CACNA2D3: variants seen among roughly 807,000 people sequenced by gnomAD.
CACNA2D3 encodes calcium voltage-gated channel auxiliary subunit alpha2delta 3.
Under a neutral mutation model 160.6 loss-of-function variants are expected in CACNA2D3, and 60 were observed. The observed-to-expected ratio is 0.37, with a 90% CI of 0.30 to 0.46. The LOEUF (loss-of-function observed/expected upper bound fraction) is 0.46, where lower values mean the gene tolerates loss of function less well. Among genes scored for constraint, CACNA2D3 ranks in the 20% least tolerant of loss-of-function variants. CACNA2D3 has a pLI of 1.00. For missense variants in CACNA2D3, 1,205 were observed against 1,365.0 expected (o/e 0.88, Z 1.85); for synonymous variants, 558 against 492.9 (o/e 1.13, Z -1.75).
At chr3:54,627,389 G>A (rs1238670604) in intron 9 of CACNA2D3, among the ~76,000 whole-genome samples, 1 of 152,190 alleles carries the variant, frequency 6.6e-6, no homozygotes, top group Non-Finnish European at 1.5e-5. Context: ...GGCGTGGCAG[G>A]AGAGCCAGGG....
At chr3:54,968,313 A>G (rs886454074) in intron 27 of CACNA2D3, 137 bp from the exon 28 acceptor site, 3 of 622,042 alleles carry the variant, frequency 4.8e-6, no homozygotes, top group South Asian at 1.9e-5. Flanking sequence ...AAAATGTTTT[A>G]GTTGTATGCT....
chr3:54,319,664 T>A (rs907860109), intron 2 of CACNA2D3, among the ~76,000 whole-genome samples: 2 of 152,116 alleles, frequency 1.3e-5, no homozygotes, highest in African/African-American at 2.4e-5. Context: ...TCTTACAGAG[T>A]CCTGAGGACT....
chr3:54,198,843 A>G (rs575673469), intron 2 of CACNA2D3, among the ~76,000 whole-genome samples: 15 of 152,332 alleles, frequency 9.8e-5, no homozygotes, highest in Non-Finnish European at 1.2e-4. Flanking sequence ...GCCATTCTCA[A>G]AAGCCTTTGT....
At chr3:54,650,957 C>T (rs779201695) in intron 11 of CACNA2D3, among the ~76,000 whole-genome samples, 17 of 152,188 alleles carry the variant, frequency 1.1e-4, no homozygotes, top group East Asian at 1.9e-4. Flanking sequence ...AGTATACTAT[C>T]GTTATCCCCT....
chr3:54,701,020 T>A (rs113151061), intron 11 of CACNA2D3, among the ~76,000 whole-genome samples: 3,408 of 152,324 alleles, frequency 0.022, 57 homozygotes, highest in Middle Eastern at 0.044. Context: ...GCTGCAGAAT[T>A]CTCTGTTCTA....
intron 13 of CACNA2D3, among the ~76,000 whole-genome samples, chr3:54,776,580 CAA>C (rs1291379182): frequency 6.6e-6 from 1 of 152,154 alleles, no homozygotes; most frequent in Non-Finnish European, 1.5e-5. Flanking sequence ...GTAACAACAA[CAA>C]AAGAGGCCTG....
At chr3:54,221,250 C>T (rs181932225) in intron 2 of CACNA2D3, among the ~76,000 whole-genome samples, 2 of 152,280 alleles carry the variant, frequency 1.3e-5, no homozygotes, top group African/African-American at 4.8e-5. Flanking sequence ...TACTCTAAAA[C>T]GTTCAAATGT....
chr3:54,427,662 A>C (rs773798739), intron 4 of CACNA2D3, among the ~76,000 whole-genome samples: 3 of 152,230 alleles, frequency 2.0e-5, no homozygotes, highest in Non-Finnish European at 4.4e-5. Flanking sequence ...GCTCCCTGCC[A>C]GTGCGGAGCG....
intron 17 of CACNA2D3, among the ~76,000 whole-genome samples, chr3:54,848,322 C>T (rs1017974249): frequency 3.9e-5 from 6 of 152,176 alleles, no homozygotes; most frequent in Non-Finnish European, 5.9e-5. Flanking sequence ...TAAACACATG[C>T]CATTGCTGTT....
At chr3:54,485,568 C>CTT (rs111371057) in intron 4 of CACNA2D3, among the ~76,000 whole-genome samples, 19 of 141,328 alleles carry the variant, frequency 1.3e-4, no homozygotes, top group Non-Finnish European at 1.2e-4. Context: ...ATAATAGACA[C>CTT]TTTTTTTTTT....
chr3:54,408,274 T>G (rs575617889), intron 4 of CACNA2D3, among the ~76,000 whole-genome samples: 2 of 152,160 alleles, frequency 1.3e-5, no homozygotes, highest in Admixed American at 1.3e-4. Context: ...TGAGTGGAGC[T>G]TCTAAGAGCT....
At chr3:54,325,119 A>C (rs73081641) in intron 3 of CACNA2D3, among the ~76,000 whole-genome samples, 12,863 of 152,236 alleles carry the variant, frequency 0.084, 761 homozygotes, top group South Asian at 0.13. Flanking sequence ...AGCACAAACT[A>C]TCAATCAACT....
chr3:54,321,300 A>G (rs1255772552), intron 3 of CACNA2D3, among the ~76,000 whole-genome samples: 1 of 148,706 alleles, frequency 6.7e-6, no homozygotes, highest in African/African-American at 2.5e-5. Flanking sequence ...AGCCTGGGTG[A>G]CAGCGTGAGA....
intron 11 of CACNA2D3, among the ~76,000 whole-genome samples, chr3:54,661,468 C>T (rs1310509398): frequency 9.2e-5 from 14 of 152,146 alleles, no homozygotes; most frequent in East Asian, 7.7e-4. Context: ...AAATGTGTTT[C>T]GTCTCCACAG....
chr3:54,228,270 G>A (rs140793922), intron 2 of CACNA2D3, among the ~76,000 whole-genome samples: 2 of 152,278 alleles, frequency 1.3e-5, no homozygotes, highest in African/African-American at 4.8e-5. Flanking sequence ...AGCAGAAACC[G>A]GGAATCAGAT....
chr3:54,823,885 G>A (rs1221784561), intron 14 of CACNA2D3, among the ~76,000 whole-genome samples: 1 of 152,090 alleles, frequency 6.6e-6, no homozygotes, highest in Non-Finnish European at 1.5e-5. Flanking sequence ...TTCAAATTCT[G>A]TATTATGAGC....
chr3:55,062,280 C>CTTTT (rs10693110), intron 35 of CACNA2D3, among the ~76,000 whole-genome samples: 48 of 139,874 alleles, frequency 3.4e-4, no homozygotes, highest in African/African-American at 1.2e-3. Context: ...TCATATCTGT[C>CTTTT]TTTTTTTTTT....
intron 11 of CACNA2D3, among the ~76,000 whole-genome samples, chr3:54,665,655 G>T (rs1437995826): frequency 6.6e-6 from 1 of 152,112 alleles, no homozygotes; most frequent in African/African-American, 2.4e-5. Flanking sequence ...ACCTGCCAGA[G>T]ATAGGAAGAG....
At chr3:54,548,622 C>T (rs1702103965) in intron 5 of CACNA2D3, among the ~76,000 whole-genome samples, 1 of 152,210 alleles carries the variant, frequency 6.6e-6, no homozygotes, top group African/African-American at 2.4e-5. Flanking sequence ...CTCACCCCAC[C>T]TCTTCCAGTT....
Sources: gnomAD v4.1 joint callset for allele counts (sites outside exome capture counted in the v4.1 genomes callset) on GRCh38, gnomAD v4.1.1 for gene constraint, MANE v1.5 for transcripts, NCBI Gene and HGNC (gene_info 2026-07-23, HGNC 2026-07-21) for gene names.